DPP10: variants seen among roughly 807,000 people sequenced by gnomAD.
The protein encoded by DPP10 is dipeptidyl peptidase like 10, also known as inactive dipeptidyl peptidase 10.
DPP10 carries 33 observed loss-of-function variants against 120.9 expected under a neutral mutation model. The ratio of observed to expected loss-of-function variants is 0.27; its 90% CI spans 0.21 to 0.37. DPP10 has a LOEUF of 0.37. Among genes scored for constraint, DPP10 ranks in the 10% least tolerant of loss-of-function variants. The probability of loss-of-function intolerance (pLI) is 1.00; values close to 1 mark genes in which losing one functional copy is unlikely to be tolerated. For missense variants in DPP10, 816 were observed against 942.8 expected (o/e 0.87, Z 1.76); for synonymous variants, 337 against 326.1 (o/e 1.03, Z -0.36).
chr2:114,896,884 G>A (rs536019919), intron 1 of DPP10, among the ~76,000 whole-genome samples: 87 of 152,030 alleles, frequency 5.7e-4, no homozygotes, highest in African/African-American at 2.0e-3. Context: ...GTCATAGATA[G>A]CTCTTATTAT....
intron 2 of DPP10, among the ~76,000 whole-genome samples, chr2:115,330,269 A>G (rs1365293125): frequency 6.6e-6 from 1 of 152,072 alleles, no homozygotes; most frequent in Admixed American, 6.6e-5. Flanking sequence ...TCTTTTGCCC[A>G]CTTTTTGTTG....
At chr2:115,075,719 T>A (rs1241769495) in intron 1 of DPP10, among the ~76,000 whole-genome samples, 1 of 151,930 alleles carries the variant, frequency 6.6e-6, no homozygotes, top group African/African-American at 2.4e-5. Context: ...TTTTTTTTTT[T>A]TAATGTTAGG....
chr2:114,764,941 A>G (rs879632198), intron 1 of DPP10, among the ~76,000 whole-genome samples: 20 of 152,156 alleles, frequency 1.3e-4, no homozygotes, highest in Non-Finnish European at 2.8e-4. Flanking sequence ...GGGTTAGGCT[A>G]TTGTAATATG....
chr2:115,172,855 G>A (rs1344700625), intron 1 of DPP10, among the ~76,000 whole-genome samples: 2 of 152,162 alleles, frequency 1.3e-5, no homozygotes, highest in Non-Finnish European at 2.9e-5. Flanking sequence ...CAGCTTTAAA[G>A]CACCTTTTGT....
chr2:115,513,193 A>G (rs965691041), intron 4 of DPP10, among the ~76,000 whole-genome samples: 2 of 151,796 alleles, frequency 1.3e-5, no homozygotes, highest in African/African-American at 4.8e-5. Context: ...TGTTAGTGAA[A>G]CCATTCTATC....
chr2:114,858,708 A>C (rs1426710655), intron 1 of DPP10, among the ~76,000 whole-genome samples: 1 of 152,174 alleles, frequency 6.6e-6, no homozygotes, highest in Non-Finnish European at 1.5e-5. Context: ...TAGATTTTAT[A>C]ATATATAGAA....
chr2:114,462,096 G>T, intron 1 of DPP10: 13 of 985,360 alleles, frequency 1.3e-5, no homozygotes, highest in Non-Finnish European at 1.6e-5. Flanking sequence ...CAATGCAAAT[G>T]GATATGGAGC....
chr2:115,625,688 A>G (rs1468290487), intron 5 of DPP10, among the ~76,000 whole-genome samples: 4 of 152,130 alleles, frequency 2.6e-5, no homozygotes, highest in Non-Finnish European at 5.9e-5. Flanking sequence ...GGCATGTAAC[A>G]TGAAGGAATC....
At chr2:115,083,981 C>T (rs918831350) in intron 1 of DPP10, among the ~76,000 whole-genome samples, 3 of 152,174 alleles carry the variant, frequency 2.0e-5, no homozygotes, top group African/African-American at 7.2e-5. Flanking sequence ...AACACCTCTT[C>T]TAACATCCAG....
intron 1 of DPP10, among the ~76,000 whole-genome samples, chr2:114,619,909 C>T (rs951408946): frequency 5.9e-5 from 9 of 151,922 alleles, no homozygotes; most frequent in Non-Finnish European, 1.2e-4. Flanking sequence ...GATCATGAAG[C>T]TTACTTTTAA....
At chr2:115,117,467 G>C (rs1440508323) in intron 1 of DPP10, among the ~76,000 whole-genome samples, 1 of 152,104 alleles carries the variant, frequency 6.6e-6, no homozygotes, top group Non-Finnish European at 1.5e-5. Context: ...ATTTAGTTGA[G>C]TGTGATGGTG....
chr2:114,804,862 A>G (rs921897659), intron 1 of DPP10, among the ~76,000 whole-genome samples: 1 of 152,010 alleles, frequency 6.6e-6, no homozygotes, highest in Non-Finnish European at 1.5e-5. Context: ...GGAAGGCATG[A>G]TTGGTTTTGA....
At chr2:115,707,380 T>A (rs1221212698) in intron 7 of DPP10, among the ~76,000 whole-genome samples, 2 of 150,420 alleles carry the variant, frequency 1.3e-5, no homozygotes, top group Non-Finnish European at 3.0e-5. Flanking sequence ...CAAATTATAT[T>A]CTATGACCAT....
At chr2:114,820,497 A>T (rs1685996176) in intron 1 of DPP10, among the ~76,000 whole-genome samples, 1 of 152,206 alleles carries the variant, frequency 6.6e-6, no homozygotes, top group Non-Finnish European at 1.5e-5. Flanking sequence ...GACTGTTCTC[A>T]CACTGCTAAT....
chr2:115,282,186 A>T (rs1296482801), intron 1 of DPP10, among the ~76,000 whole-genome samples: 2 of 152,090 alleles, frequency 1.3e-5, no homozygotes, highest in Non-Finnish European at 2.9e-5. Context: ...TCTTTAAATA[A>T]CAGAATTTAA....
chr2:115,824,971 G>A (rs1688167723), intron 21 of DPP10, among the ~76,000 whole-genome samples: 1 of 152,168 alleles, frequency 6.6e-6, no homozygotes, highest in Admixed American at 6.6e-5. Flanking sequence ...GAGGAAAAGA[G>A]AAGAGAAACT....
intron 5 of DPP10, among the ~76,000 whole-genome samples, chr2:115,592,186 A>G (rs1266374654): frequency 6.6e-6 from 1 of 152,186 alleles, no homozygotes; most frequent in Non-Finnish European, 1.5e-5. Flanking sequence ...AGCTAACAAT[A>G]AGATACAGAA....
intron 1 of DPP10, among the ~76,000 whole-genome samples, chr2:114,804,275 G>A (rs1313895125): frequency 1.3e-5 from 2 of 152,246 alleles, no homozygotes; most frequent in Admixed American, 6.5e-5. Context: ...GTTTATTGGA[G>A]GGGTAGGGCC....
chr2:115,722,102 G>C (rs2092662533), intron 7 of DPP10, among the ~76,000 whole-genome samples: 1 of 151,984 alleles, frequency 6.6e-6, no homozygotes, highest in Admixed American at 6.6e-5. Flanking sequence ...TGAGGGAGAA[G>C]GGAAAATGGG....
Sources: allele counts gnomAD v4.1 joint callset (sites outside exome capture counted in the v4.1 genomes callset), GRCh38; gene constraint gnomAD v4.1.1; transcripts MANE v1.5; gene names NCBI Gene and HGNC (gene_info 2026-07-23, HGNC 2026-07-21).